EPHB1: variants seen among roughly 807,000 people sequenced by gnomAD.
EPHB1 encodes the protein EPH receptor B1, also known as ephrin type-B receptor 1.
In EPHB1, 30 loss-of-function variants were observed where a neutral mutation model predicts 94.4. The observed-to-expected ratio is 0.32, with a 90% confidence interval of 0.24 to 0.43. The LOEUF (loss-of-function observed/expected upper bound fraction) is 0.43. Ranked by LOEUF, EPHB1 falls within the 20% of genes least tolerant of loss-of-function variation. The pLI, the probability that EPHB1 is intolerant of heterozygous loss-of-function variation, is 1.00. For missense variants in EPHB1, 1,055 were observed against 1,308.3 expected (o/e 0.81, Z 2.99); for synonymous variants, 522 against 489.1 (o/e 1.07, Z -0.89).
At chr3:134,804,071 A>ATTTTTTTTT (rs572201781) in intron 1 of EPHB1, among the ~76,000 whole-genome samples, 5 of 43,770 alleles carry the variant, frequency 1.1e-4, no homozygotes, top group Non-Finnish European at 1.2e-4. Context: ...ATTATTGGCT[A>ATTTTTTTTT]TTTTTTTTTT....
intron 4 of EPHB1, among the ~76,000 whole-genome samples, chr3:135,107,930 C>T (rs1939284034): frequency 6.6e-6 from 1 of 152,182 alleles, no homozygotes. Flanking sequence ...ATCTCCTCCA[C>T]TGATTTCTGA....
At chr3:135,091,605 T>A (rs1266777216) in intron 3 of EPHB1, among the ~76,000 whole-genome samples, 1 of 152,122 alleles carries the variant, frequency 6.6e-6, no homozygotes, top group Non-Finnish European at 1.5e-5. Flanking sequence ...CTGTAATTTG[T>A]GGGCTCACCA....
chr3:135,152,960 C>T (rs1351756806), intron 5 of EPHB1, among the ~76,000 whole-genome samples: 1 of 152,164 alleles, frequency 6.6e-6, no homozygotes, highest in East Asian at 1.9e-4. Flanking sequence ...GGCTCTGAGT[C>T]CTTATCACAC....
At chr3:135,228,141 G>A (rs1943443545) in intron 12 of EPHB1, among the ~76,000 whole-genome samples, 1 of 151,790 alleles carries the variant, frequency 6.6e-6, no homozygotes, top group Non-Finnish European at 1.5e-5. Flanking sequence ...TTTCGCTCTA[G>A]TACAGGATCC....
intron 12 of EPHB1, among the ~76,000 whole-genome samples, chr3:135,238,278 C>A (rs1424600954): frequency 6.6e-6 from 1 of 152,216 alleles, no homozygotes; most frequent in East Asian, 1.9e-4. Flanking sequence ...AGCAGGAGAG[C>A]CTGCCATGAC....
intron 3 of EPHB1, among the ~76,000 whole-genome samples, chr3:135,039,494 G>A (rs1258442274): frequency 6.6e-6 from 1 of 152,220 alleles, no homozygotes; most frequent in African/African-American, 2.4e-5. Context: ...CTCCCGTCGG[G>A]GAGGCTCGGG....
At chr3:134,846,359 AG>A (rs2108298086) in intron 1 of EPHB1, among the ~76,000 whole-genome samples, 1 of 152,242 alleles carries the variant, frequency 6.6e-6, no homozygotes, top group South Asian at 2.1e-4. Flanking sequence ...CCCCATTTGG[AG>A]GAATGTTAGT....
At position 135,223,123 on chromosome 3, in the gene EPHB1, A is replaced by G. The variant is rs573845840; in HGVS notation, c.2347-18025A>G. On this transcript the variant is annotated intron_variant, in intron 12 of 15. Transcript: ENST00000398015. ...TCAGTAAGCCTAATCATATGAGACC[A>G]TTTGACATCAAAATTAAGACACATT... 4.1e-4 allele frequency among the ~76,000 whole-genome samples: 62 copies of G among 152,364 alleles called. No individual in the cohort carries two copies. In the South Asian group the frequency reaches 0.012, roughly 31 times the overall value.
At chr3:135,157,957 G>T (rs1472305848) in intron 6 of EPHB1, among the ~76,000 whole-genome samples, 1 of 152,164 alleles carries the variant, frequency 6.6e-6, no homozygotes, top group African/African-American at 2.4e-5. Flanking sequence ...ACAGGTCATT[G>T]CTAGGGAGTC....
chr3:134,906,089 C>G (rs1031503510), intron 1 of EPHB1, among the ~76,000 whole-genome samples: 7 of 152,170 alleles, frequency 4.6e-5, no homozygotes, highest in African/African-American at 1.7e-4. Context: ...CTACAGAAAC[C>G]CAGCTGACAA....
chr3:135,220,548 A>C (rs554986097), intron 12 of EPHB1, among the ~76,000 whole-genome samples: 139 of 151,546 alleles, frequency 9.2e-4, no homozygotes, highest in African/African-American at 2.7e-3. Flanking sequence ...TGTGAGTGCA[A>C]GGTGCTCGCC....
At chr3:134,938,297 T>C (rs1408757491) in intron 2 of EPHB1, among the ~76,000 whole-genome samples, 2 of 152,268 alleles carry the variant, frequency 1.3e-5, no homozygotes, top group East Asian at 3.9e-4. Flanking sequence ...GGTGTATAGA[T>C]AGGGAGCCCC....
intron 1 of EPHB1, among the ~76,000 whole-genome samples, chr3:134,884,623 C>T (rs2037826092): frequency 6.6e-6 from 1 of 152,176 alleles, no homozygotes; most frequent in Non-Finnish European, 1.5e-5. Context: ...AAATAAGCAA[C>T]AGGATAAAAT....
At chr3:134,872,207 T>G (rs2037514236) in intron 1 of EPHB1, among the ~76,000 whole-genome samples, 1 of 152,198 alleles carries the variant, frequency 6.6e-6, no homozygotes, top group Non-Finnish European at 1.5e-5. Context: ...TCCGGGTAAC[T>G]GTTTTGCCTC....
intron 3 of EPHB1, among the ~76,000 whole-genome samples, chr3:134,981,250 C>T (rs36111): frequency 0.63 from 95,930 of 152,040 alleles, 32,080 homozygotes; most frequent in African/African-American, 0.83. Flanking sequence ...ACTGTACCTG[C>T]ACTGGTCAGC....
intron 1 of EPHB1, among the ~76,000 whole-genome samples, chr3:134,907,913 G>C (rs2038369744): frequency 6.6e-6 from 1 of 152,130 alleles, no homozygotes; most frequent in Non-Finnish European, 1.5e-5. Flanking sequence ...CCCTCTCCGG[G>C]CCTCCAACAT....
intron 1 of EPHB1, among the ~76,000 whole-genome samples, chr3:134,891,143 T>C (rs1361922333): frequency 6.6e-6 from 1 of 152,220 alleles, no homozygotes; most frequent in Admixed American, 6.5e-5. Flanking sequence ...TCTTACTGCG[T>C]CACCCAGGCG....
intron 1 of EPHB1, among the ~76,000 whole-genome samples, chr3:134,909,062 G>A (rs749667734): frequency 3.6e-5 from 5 of 139,042 alleles, no homozygotes; most frequent in Non-Finnish European, 7.6e-5. Context: ...GGAGCATATA[G>A]AGCTCAGCAA....
chr3:134,903,366 G>A (rs1176571948), intron 1 of EPHB1, among the ~76,000 whole-genome samples: 1 of 152,206 alleles, frequency 6.6e-6, no homozygotes, highest in Non-Finnish European at 1.5e-5. Context: ...TGAGTGTATG[G>A]AATGAGAGAG....
Sources: gnomAD v4.1 joint callset for allele counts (sites outside exome capture counted in the v4.1 genomes callset) on GRCh38, gnomAD v4.1.1 for gene constraint, MANE v1.5 for transcripts, NCBI Gene and HGNC (gene_info 2026-07-23, HGNC 2026-07-21) for gene names.